FAM107A: variants seen among roughly 807,000 people sequenced by gnomAD.
FAM107A encodes the protein family with sequence similarity 107 member A.
FAM107A carries 19 observed loss-of-function variants against 13.7 expected under a neutral mutation model. That is an observed-to-expected ratio of 1.38 (90% CI 0.97 to 2.03). The LOEUF is 2.03. FAM107A is among the 30% of genes most tolerant of loss of function. The pLI is 0.00. For synonymous variants in FAM107A, 82 were observed against 74.5 expected (o/e 1.10, Z -0.52); for missense variants, 203 against 184.4 (o/e 1.10, Z -0.58).
rs1430755484 is a variant in FAM107A at position 58,617,119 on chromosome 3, C to T, written c.-70+10297G>A. Among the ~76,000 whole-genome samples, 1 of 152,132 alleles carries T rather than the reference C, an allele frequency of 6.6e-6. No homozygotes were observed. Among genetic ancestry groups the T allele is most frequent in the Non-Finnish European group, 1.5e-5 (1 of 68,036 alleles). ...TTTGTTATGGCCGCCCCAGGAAACT[C>T]CTGTGTCACTTCACAGTGCCTGCTT... On this transcript the variant is annotated intron_variant, in intron 1 of 3. Coordinates refer to the FAM107A transcript ENST00000465970. The surrounding 1 kb of genome is among the most constrained non-coding windows in gnomAD (Gnocchi z 4.5).
chr3:58,619,636 CTCA>C (rs1190764189), intron 1 of FAM107A, among the ~76,000 whole-genome samples: 15 of 152,242 alleles, frequency 9.9e-5, no homozygotes, highest in African/African-American at 3.1e-4. Flanking sequence ...ATCTGCTTCC[CTCA>C]TCATAGTACC....
At chr3:58,587,145 C>A, upstream of FAM107A, 3 of 1,343,752 alleles carry the variant, frequency 2.2e-6, no homozygotes, top group Non-Finnish European at 2.9e-6. Context: ...CAGGTGTCCG[C>A]GCCCAGGTAG....
rs573753537 is a variant in FAM107A at position 58,609,500 on chromosome 3, G to A, written c.-70+17916C>T. ...CTTATACACATATGAAAAAATGGCTGGTACAGCTTAGTGCCTGAGCTGCTA... is the reference window on the plus strand; with the variant it reads ...CTTATACACATATGAAAAAATGGCTAGTACAGCTTAGTGCCTGAGCTGCTA... On this transcript the variant is annotated intron_variant, in intron 1 of 3. Coordinates refer to the FAM107A transcript ENST00000465970. Among the ~76,000 whole-genome samples the A allele has an allele frequency of 6.6e-5, 10 of 152,238 alleles. No homozygotes were observed. The East Asian group carries it at 1.7e-3, about 26-fold the overall frequency.
At chr3:58,575,883 C>T (rs2063726651) in intron 1 of FAM107A, among the ~76,000 whole-genome samples, 1 of 152,238 alleles carries the variant, frequency 6.6e-6, no homozygotes, top group Admixed American at 6.5e-5. Flanking sequence ...GCCTTCCCTC[C>T]TGTGCCCCCA....
upstream of FAM107A, among the ~76,000 whole-genome samples, chr3:58,581,122 G>A (rs2065534961): frequency 1.3e-5 from 2 of 152,238 alleles, no homozygotes; most frequent in Admixed American, 6.5e-5. Flanking sequence ...CAAAAGGAAG[G>A]ACTCTGGGAA....
intron 1 of FAM107A, among the ~76,000 whole-genome samples, chr3:58,601,145 T>A (rs757104957): frequency 4.6e-5 from 7 of 152,250 alleles, no homozygotes; most frequent in Non-Finnish European, 7.3e-5. Flanking sequence ...GGCTCACTTT[T>A]AAGCTTTTAA....
Position 58,569,544 on chromosome 3 carries a change from C to G in FAM107A, c.170+147G>C, listed in dbSNP as rs930999542. 3 of 676,518 alleles carry G rather than the reference C, an allele frequency of 4.4e-6. No homozygotes were observed. Among genetic ancestry groups the G allele is most frequent in the East Asian group, 2.6e-5 (1 of 38,102 alleles). The allele number at this position is 676,518 out of a possible 1,614,324, so 41.9% of individuals were successfully genotyped here. A position where few individuals can be genotyped will look rare whatever the true frequency, so the allele number is the denominator to read the frequency against. ...GGGGACAGGGTCTTTACAGGTTTTG[C>G]CGGTGATCATGTGGGGCACCTCAGC... On this transcript the variant is annotated intron_variant, in intron 2 of 3. Coordinates refer to ENST00000360997, the MANE Select transcript of FAM107A (RefSeq NM_001076778.3). This position sits in a 1 kb window ranked among gnomAD's most constrained non-coding sequence, Gnocchi z 5.7.
At chr3:58,612,942 A>G (rs1559486405) in intron 1 of FAM107A, among the ~76,000 whole-genome samples, 1 of 151,798 alleles carries the variant, frequency 6.6e-6, no homozygotes. Context: ...CCTTTCTAGG[A>G]GCAACTCTAG....
Position 58,567,209 on chromosome 3 carries a change from T to C in FAM107A, c.326A>G (p.Gln109Arg). 6.2e-7 allele frequency: 1 copy of C among 1,614,196 alleles called. No individual in the cohort carries two copies. Among genetic ancestry groups the C allele is most frequent in the South Asian group, 1.1e-5 (1 of 91,082 alleles). The stretch of plus-strand genomic sequence containing the variant: ...CCCTGCTGGGTGCCCATCACCCACC[T>C]GGTTCAGCCTCTGCTGCCGTCTCAG... ...ELLRRQQRLN[Q>R]LEKPPEKEED... The change falls in exon 3 of 4, where the codon CAG (glutamine) becomes CGG (arginine). Residue 109 changes from glutamine to arginine, a missense_variant and splice_region_variant. Coordinates refer to ENST00000360997, the MANE Select transcript of FAM107A (RefSeq NM_001076778.3).
chr3:58,600,426 C>T (rs774634151), intron 1 of FAM107A, among the ~76,000 whole-genome samples: 19 of 152,200 alleles, frequency 1.2e-4, no homozygotes, highest in African/African-American at 1.9e-4. Flanking sequence ...ATGATCTTAA[C>T]TAACCCCTGC....
chr3:58,571,733 C>T (rs1250766749), intron 1 of FAM107A, among the ~76,000 whole-genome samples: 2 of 152,174 alleles, frequency 1.3e-5, no homozygotes, highest in Non-Finnish European at 2.9e-5. Context: ...TGTCGCCCAT[C>T]CTTTGACTGA....
rs11539090 is a variant in FAM107A, at chr3:58,569,864, G to A, written c.-4C>T. ...CCCTCTGGATCTCCGAGTACATGGC[G>A]GCTGTAGAGATGGGCAGAGGAGTAG... On this transcript the variant is annotated splice_region_variant and 5_prime_UTR_variant, in exon 2 of 4. Coordinates refer to ENST00000360997, the MANE Select transcript of FAM107A (RefSeq NM_001076778.3). The surrounding 1 kb of genome is among the most constrained non-coding windows in gnomAD (Gnocchi z 5.7). The A allele has an allele frequency of 6.8e-6, 11 of 1,613,424 alleles. No homozygotes were observed. The highest frequency in any genetic ancestry group is 3.3e-5 in the South Asian group (3 of 91,044).
rs546193323 is a variant in FAM107A, at chr3:58,569,582, C to A, written c.170+109G>T. On this transcript the variant is annotated intron_variant, in intron 2 of 3. Transcript: ENST00000360997. This position sits in a 1 kb window ranked among gnomAD's most constrained non-coding sequence, Gnocchi z 5.7. ...GGGGCACCTCAGCCTTCCTCAGTCT[C>A]CAGGAGCCCCAGGATGAAAGCCAGC... 1.1e-4 allele frequency: 104 copies of A among 930,610 alleles called. No individual in the cohort carries two copies. Among genetic ancestry groups the A allele is most frequent in the Non-Finnish European group, 1.6e-4 (100 of 616,044 alleles). The allele number at this position is 930,610 out of a possible 1,614,324, so 57.6% of individuals were successfully genotyped here. A position where few individuals can be genotyped will look rare whatever the true frequency, so the allele number is the denominator to read the frequency against.
intron 1 of FAM107A, among the ~76,000 whole-genome samples, chr3:58,593,989 G>A (rs1158610765): frequency 6.9e-6 from 1 of 144,770 alleles, no homozygotes; most frequent in Admixed American, 6.9e-5. Context: ...CACCATATTT[G>A]GACCCCTCAC....
chr3:58,588,013 C>G (rs1043639238), upstream of FAM107A, among the ~76,000 whole-genome samples: 4 of 152,192 alleles, frequency 2.6e-5, no homozygotes, highest in African/African-American at 9.7e-5. Flanking sequence ...GGTCCGACTA[C>G]AGACCTTGGC....
chr3:58,626,866 A>C lies in FAM107A; in HGVS notation c.-70+550T>G, dbSNP rs1000571863. On this transcript the variant is annotated intron_variant, in intron 1 of 3. Coordinates refer to the FAM107A transcript ENST00000465970. Reference sequence around the variant, plus strand: ...AGTTCCAGGGGGAGGGCTGGTGGGCACTGCCGGCTGAAGCTGCAGGGTAGG... The same window carrying C: ...AGTTCCAGGGGGAGGGCTGGTGGGCCCTGCCGGCTGAAGCTGCAGGGTAGG... 4.5e-6 allele frequency: 5 copies of C among 1,118,346 alleles called. No individual in the cohort carries two copies. In the East Asian group the frequency reaches 1.0e-4, roughly 23 times the overall value. 69.3% of individuals were successfully genotyped at this position (1,118,346 alleles called of 1,614,324 possible). A position where few individuals can be genotyped will look rare whatever the true frequency, so the allele number is the denominator to read the frequency against.
At position 58,570,127 on chromosome 3, in the gene FAM107A, C is replaced by G. The variant is rs947305828; in HGVS notation, c.-5-262G>C. ...CTGGAGTATAGAAGTAAAATGATAACGGGTCACAAAATACGGGTTGACACA... is the reference window on the plus strand; with the variant it reads ...CTGGAGTATAGAAGTAAAATGATAAGGGGTCACAAAATACGGGTTGACACA... On this transcript the variant is annotated intron_variant, in intron 1 of 3. Transcript: ENST00000360997. Among the ~76,000 whole-genome samples, 6 of 152,160 alleles carry G rather than the reference C, an allele frequency of 3.9e-5. No individual in the cohort carries two copies. In the South Asian group the frequency reaches 1.2e-3, roughly 32 times the overall value.
chr3:58,578,587 A>G (rs1042503519), upstream of FAM107A, among the ~76,000 whole-genome samples: 1 of 152,166 alleles, frequency 6.6e-6, no homozygotes, highest in Non-Finnish European at 1.5e-5. Context: ...AAAAACAAAC[A>G]AACAAAAAAA....
At position 58,613,075 on chromosome 3, in the gene FAM107A, T is replaced by C. The variant is rs1057366925; in HGVS notation, c.-70+14341A>G. ...CCACCTCTCTGGAAGGTGATGATGG[T>C]CGGCAGCTCCATATCGCCAGCCGTG... On this transcript the variant is annotated intron_variant, in intron 1 of 3. Transcript: ENST00000465970. The surrounding 1 kb of genome is among the most constrained non-coding windows in gnomAD (Gnocchi z 4.6). Among the ~76,000 whole-genome samples the C allele has an allele frequency of 4.6e-5, 7 of 152,204 alleles. No homozygotes were observed. The highest frequency in any genetic ancestry group is 1.0e-4 in the Non-Finnish European group (7 of 68,006).
Sources: gnomAD v4.1 joint callset for allele counts (sites outside exome capture counted in the v4.1 genomes callset) on GRCh38, gnomAD v4.1.1 for gene constraint, Gnocchi (gnomAD v3.1) non-coding constraint, MANE v1.5 for transcripts, NCBI Gene and HGNC (gene_info 2026-07-23, HGNC 2026-07-21) for gene names.